Variants in PREP observed in about 807,000 individuals in gnomAD.
The protein encoded by PREP is dJ355L5.1 (prolyl endopeptidase).
Under a neutral mutation model 87.6 loss-of-function variants are expected in PREP, and 29 were observed. That is an observed-to-expected ratio of 0.33 (90% CI 0.25 to 0.45). PREP has a LOEUF of 0.45. PREP is among the 20% of genes least tolerant of loss of function. The pLI, the probability that PREP is intolerant of heterozygous loss-of-function variation, is 1.00. For synonymous variants in PREP, 337 were observed against 328.6 expected (o/e 1.03, Z -0.28); for missense variants, 695 against 886.5 (o/e 0.78, Z 2.74).
intron 1 of PREP, among the ~76,000 whole-genome samples, chr6:105,400,383 T>G (rs191088776): frequency 6.6e-6 from 1 of 152,194 alleles, no homozygotes; most frequent in Non-Finnish European, 1.5e-5. Context: ...CCTGCTCATC[T>G]TTCCAGCCCC....
chr6:105,329,324 T>A (rs1771258380), intron 8 of PREP, among the ~76,000 whole-genome samples: 1 of 152,122 alleles, frequency 6.6e-6, no homozygotes, highest in South Asian at 2.1e-4. Context: ...GGCTAATTTT[T>A]ATATTTTTAG....
At chr6:105,387,637 GAAAAAGAAAA>G (rs1773035714) in intron 2 of PREP, among the ~76,000 whole-genome samples, 1 of 142,038 alleles carries the variant, frequency 7.0e-6, no homozygotes, top group Non-Finnish European at 1.5e-5. Context: ...AAGAAAAAAA[GAAAAAGAAAA>G]AGAAAGAAAA....
At chr6:105,379,330 AG>A (rs1164982783) in intron 2 of PREP, among the ~76,000 whole-genome samples, 2 of 152,228 alleles carry the variant, frequency 1.3e-5, no homozygotes, top group East Asian at 1.9e-4. Flanking sequence ...GGCCCTTTAC[AG>A]GAAGTTTGCT....
chr6:105,334,014 A>T (rs1384334158), intron 7 of PREP, among the ~76,000 whole-genome samples: 3 of 152,222 alleles, frequency 2.0e-5, no homozygotes, highest in African/African-American at 7.2e-5. Flanking sequence ...AATGCACAGG[A>T]CAGCCCTATA....
intron 10 of PREP, chr6:105,302,573 C>T (rs1770560878): frequency 2.5e-6 from 1 of 396,328 alleles, no homozygotes; most frequent in Non-Finnish European, 4.9e-6. Context: ...TTTCTCAGGC[C>T]GCAGGTCCAG....
intron 11 of PREP, among the ~76,000 whole-genome samples, chr6:105,287,378 A>C (rs1002612401): frequency 5.5e-4 from 83 of 152,128 alleles, no homozygotes; most frequent in African/African-American, 2.0e-3. Context: ...CCCTTCATTT[A>C]CTCATATGAT....
At chr6:105,323,597 G>T in intron 10 of PREP, 68 bp downstream of exon 10, 2 of 1,352,590 alleles carry the variant, frequency 1.5e-6, no homozygotes, top group Non-Finnish European at 2.1e-6. Flanking sequence ...ATAAGCTACA[G>T]TGTGAATGGC....
chr6:105,353,033 T>A lies in PREP; in HGVS notation c.762A>T (p.Gly254=). The A allele has an allele frequency of 1.9e-6, 3 of 1,614,044 alleles. No individual in the cohort carries two copies. The highest frequency in any genetic ancestry group is 1.7e-5 in the Admixed American group (1 of 60,002). Residue 254 remains glycine, a synonymous_variant, in exon 7 of 15, where the codon GGA becomes GGT. Coordinates refer to ENST00000652536, the MANE Select transcript of PREP (RefSeq NM_002726.5). ...ACCAGAGTCGGTTTACTGGATCACA[T>A]CCTTCCCTTATTGATAACAAGACAT... The part of the protein sequence containing the change: ...GRYVLLSIRE[G]CDPVNRLWYC...
At chr6:105,369,810 A>AAAACAAAC (rs143075222) in intron 5 of PREP, among the ~76,000 whole-genome samples, 1 of 152,142 alleles carries the variant, frequency 6.6e-6, no homozygotes, top group Non-Finnish European at 1.5e-5. Context: ...AGCAATAAGA[A>AAAACAAAC]AAACAAACAA....
intron 1 of PREP, among the ~76,000 whole-genome samples, chr6:105,398,722 C>T (rs1773348290): frequency 6.6e-6 from 1 of 152,122 alleles, no homozygotes; most frequent in Admixed American, 6.5e-5. Context: ...CAAGTAGAAA[C>T]AGTTTTCACC....
chr6:105,285,614 A>C, intron 11 of PREP, 34 bp from the exon 12 acceptor site: 1 of 1,557,104 alleles, frequency 6.4e-7, no homozygotes, highest in Non-Finnish European at 8.9e-7. Flanking sequence ...ACCTTCCATT[A>C]ACTGCCTAGT....
intron 2 of PREP, among the ~76,000 whole-genome samples, chr6:105,389,542 T>C (rs1773084970): frequency 6.6e-6 from 1 of 152,214 alleles, no homozygotes; most frequent in Admixed American, 6.5e-5. Context: ...ACCAGCCTTT[T>C]ATACCTGTAA....
chr6:105,372,301 C>T (rs1772580169), intron 5 of PREP, among the ~76,000 whole-genome samples: 1 of 152,128 alleles, frequency 6.6e-6, no homozygotes, highest in Admixed American at 6.5e-5. Flanking sequence ...GCAGAAAGCA[C>T]TGGAGTAGCT....
chr6:105,290,253 C>T (rs187329192), intron 10 of PREP, among the ~76,000 whole-genome samples: 41 of 152,160 alleles, frequency 2.7e-4, no homozygotes, highest in Admixed American at 2.5e-3. Flanking sequence ...CAAGTAAACA[C>T]GGAGTAAGAG....
At chr6:105,376,353 C>T (rs1405335292) in intron 3 of PREP, 98 bp from the exon 4 acceptor site, 3 of 1,405,734 alleles carry the variant, frequency 2.1e-6, no homozygotes, top group African/African-American at 1.4e-5. Flanking sequence ...AACCAAAGAC[C>T]TAAAAAGGTA....
intron 5 of PREP, among the ~76,000 whole-genome samples, chr6:105,371,281 G>C (rs1772534504): frequency 6.6e-6 from 1 of 152,006 alleles, no homozygotes; most frequent in African/African-American, 2.4e-5. Context: ...GAGGTGGGAG[G>C]ATCACAAGGT....
intron 10 of PREP, among the ~76,000 whole-genome samples, chr6:105,294,950 C>T (rs989134852): frequency 6.6e-6 from 1 of 152,116 alleles, no homozygotes; most frequent in Non-Finnish European, 1.5e-5. Flanking sequence ...TTACTAAATC[C>T]GGAACTCCTC....
intron 2 of PREP, among the ~76,000 whole-genome samples, chr6:105,394,309 C>A (rs1773234523): frequency 6.6e-6 from 1 of 152,144 alleles, no homozygotes; most frequent in Non-Finnish European, 1.5e-5. Flanking sequence ...TTTCTCACTA[C>A]TATTCTTACA....
intron 12 of PREP, among the ~76,000 whole-genome samples, chr6:105,282,851 G>C (rs1770112286): frequency 6.6e-6 from 1 of 152,250 alleles, no homozygotes; most frequent in Admixed American, 6.5e-5. Flanking sequence ...AAAGGGAACA[G>C]ATGGTCGGTT....
Sources: allele counts gnomAD v4.1 joint callset (sites outside exome capture counted in the v4.1 genomes callset), GRCh38; gene constraint gnomAD v4.1.1; transcripts MANE v1.5; gene names NCBI Gene and HGNC (gene_info 2026-07-23, HGNC 2026-07-21).